AP1G1: variants seen among roughly 807,000 people sequenced by gnomAD.
AP1G1 encodes the protein adaptor related protein complex 1 subunit gamma 1, also known as AP-1 complex subunit gamma-1.
A neutral mutation model predicts 108.3 loss-of-function variants in AP1G1; 7 were observed. The ratio of observed to expected loss-of-function variants is 0.06; its 90% confidence interval spans 0.04 to 0.12. The LOEUF (loss-of-function observed/expected upper bound fraction) is 0.12. Ranked by LOEUF, AP1G1 falls within the 10% of genes least tolerant of loss-of-function variation. The probability of loss-of-function intolerance (pLI) is 1.00; values close to 1 mark genes in which losing one functional copy is unlikely to be tolerated. For missense variants in AP1G1, 756 were observed against 1,010.7 expected, an observed-to-expected ratio of 0.75 and a Z score of 3.42; for synonymous variants, 379 against 353.5, an observed-to-expected ratio of 1.07 and a Z score of -0.81.
chr16:71,744,187 T>C (rs1257314526), intron 19 of AP1G1, among the ~76,000 whole-genome samples: 1 of 152,076 alleles, frequency 6.6e-6, no homozygotes, highest in Non-Finnish European at 1.5e-5. Context: ...GAGGTTGCAG[T>C]GAGTCGAGAT....
chr16:71,734,257 ATACT>A (rs1428010433), intron 22 of AP1G1, among the ~76,000 whole-genome samples: 3 of 152,208 alleles, frequency 2.0e-5, no homozygotes, highest in African/African-American at 7.2e-5. Context: ...TTTTCTATTC[ATACT>A]TAATAACTGT....
chr16:71,784,760 T>C (rs1036812775), intron 2 of AP1G1, among the ~76,000 whole-genome samples: 3 of 151,846 alleles, frequency 2.0e-5, no homozygotes, highest in African/African-American at 7.3e-5. Context: ...AGTTTCACCA[T>C]GTTGGCCAGG....
intron 11 of AP1G1, 89 bp downstream of exon 11, chr16:71,758,719 G>A: frequency 2.7e-6 from 2 of 735,458 alleles, no homozygotes; most frequent in Non-Finnish European, 4.7e-6. Context: ...TGAAAACAAA[G>A]TATCACATGG....
intron 1 of AP1G1, among the ~76,000 whole-genome samples, chr16:71,803,157 T>C (rs550609883): frequency 2.6e-5 from 4 of 151,972 alleles, no homozygotes; most frequent in African/African-American, 7.2e-5. Flanking sequence ...GAGGCTGTAG[T>C]AAGCTGAGAT....
At chr16:71,772,611 TG>T (rs2031619841) in intron 4 of AP1G1, among the ~76,000 whole-genome samples, 1 of 152,204 alleles carries the variant, frequency 6.6e-6, no homozygotes, top group African/African-American at 2.4e-5. Context: ...GCCTTTTCAA[TG>T]CCTCTTTCCC....
intron 1 of AP1G1, among the ~76,000 whole-genome samples, chr16:71,795,851 T>A (rs2032566918): frequency 6.6e-6 from 1 of 152,324 alleles, no homozygotes; most frequent in East Asian, 1.9e-4. Context: ...TTCCCCTATA[T>A]GAAGAAATGT....
chr16:71,753,623 T>C, intron 13 of AP1G1: 2 of 555,834 alleles, frequency 3.6e-6, no homozygotes, highest in Non-Finnish European at 6.5e-6. Context: ...CTAAAACACT[T>C]GGCCAGTTGC....
At chr16:71,808,672 C>T (rs1333808215) in intron 1 of AP1G1, 91 bp downstream of exon 1, 2 of 1,288,224 alleles carry the variant, frequency 1.6e-6, no homozygotes, top group Non-Finnish European at 2.0e-6. Context: ...GACTGGACCC[C>T]TGAAACTGAA....
Position 71,767,159 on chromosome 16 carries a change from C to T in AP1G1, c.643-1575G>A, listed in dbSNP as rs570306514. 1.3e-4 allele frequency among the ~76,000 whole-genome samples: 20 copies of T among 152,122 alleles called. No individual in the cohort carries two copies. In the South Asian group the frequency reaches 3.1e-3, roughly 24 times the overall value. On this transcript the variant is annotated intron_variant, in intron 6 of 22. Coordinates refer to ENST00000299980, the MANE Select transcript of AP1G1 (RefSeq NM_001128.6). The stretch of plus-strand genomic sequence containing the variant: ...TACTAAATTCAGAAATTGTTTTATC[C>T]ACTGCCAAAAAGGCCAGCACATCAC...
chr16:71,756,001 G>A lies in AP1G1; in HGVS notation c.1229+18C>T. The A allele has an allele frequency of 6.2e-7, 1 of 1,603,994 alleles. No individual in the cohort carries two copies. The highest frequency in any genetic ancestry group is 1.1e-5 in the South Asian group (1 of 89,194). ...TTCCAAGCAGACTTTACCAATAAAG[G>A]TAAAAATTAAATCTTACTTTTCTGC... On this transcript the variant is annotated intron_variant, in intron 12 of 22. Transcript: ENST00000299980.
intron 16 of AP1G1, 31 bp from the exon 17 acceptor site, chr16:71,746,723 A>G (rs2030200790): frequency 4.6e-6 from 7 of 1,522,084 alleles, no homozygotes; most frequent in Admixed American, 1.7e-5. Flanking sequence ...GAAATAAAAT[A>G]CCCAAAAGAA....
chr16:71,808,359 G>A, intron 1 of AP1G1: 1 of 845,080 alleles, frequency 1.2e-6, no homozygotes, highest in South Asian at 1.8e-5. Context: ...TGACAGACCT[G>A]ACACGGGTAC....
Position 71,729,010 on chromosome 16 carries a change from T to C in AP1G1, c.*4048A>G, listed in dbSNP as rs955580625. 8.5e-5 allele frequency: 13 copies of C among 152,602 alleles called. No homozygotes were observed. Among genetic ancestry groups the C allele is most frequent in the African/African-American group, 2.9e-4 (12 of 41,458 alleles). The allele number at this position is 152,602 out of a possible 1,614,324, so 9.5% of individuals were successfully genotyped here. ...AAGCAAGGAAGCAAATTTTAAATCATTGGGTATTGACTTTTTATTATTAGT... is the reference window on the plus strand; with the variant it reads ...AAGCAAGGAAGCAAATTTTAAATCACTGGGTATTGACTTTTTATTATTAGT... On this transcript the variant is annotated 3_prime_UTR_variant, in exon 23 of 23. Coordinates refer to ENST00000299980, the MANE Select transcript of AP1G1 (RefSeq NM_001128.6).
At chr16:71,734,248 T>C (rs2045505976) in intron 22 of AP1G1, among the ~76,000 whole-genome samples, 1 of 152,240 alleles carries the variant, frequency 6.6e-6, no homozygotes, top group Non-Finnish European at 1.5e-5. Context: ...TGCCTCTATT[T>C]TTCTATTCAT....
At chr16:71,798,251 C>T (rs1288123702) in intron 1 of AP1G1, among the ~76,000 whole-genome samples, 1 of 151,880 alleles carries the variant, frequency 6.6e-6, no homozygotes, top group African/African-American at 2.4e-5. Flanking sequence ...TAGAAACCAG[C>T]CTGGGCAATA....
At chr16:71,775,567 G>A (rs548179465) in intron 2 of AP1G1, among the ~76,000 whole-genome samples, 4 of 151,854 alleles carry the variant, frequency 2.6e-5, no homozygotes, top group East Asian at 1.9e-4. Context: ...AGCACCTAAC[G>A]TGTACTTAAG....
At chr16:71,748,204 T>C (rs1343952295) in intron 16 of AP1G1, 47 bp downstream of exon 16, 1 of 1,576,792 alleles carries the variant, frequency 6.3e-7, no homozygotes, top group Admixed American at 2.1e-5. Context: ...TTTTTTGTTT[T>C]TTAATTACAA....
At chr16:71,787,723 A>AGGTG (rs2032258259) in intron 2 of AP1G1, among the ~76,000 whole-genome samples, 1 of 152,234 alleles carries the variant, frequency 6.6e-6, no homozygotes, top group Admixed American at 6.5e-5. Context: ...TATGACACAC[A>AGGTG]GTATATGGAT....
chr16:71,748,408 G>A, intron 15 of AP1G1, 30 bp from the exon 16 acceptor site: 3 of 1,605,936 alleles, frequency 1.9e-6, no homozygotes, highest in South Asian at 2.2e-5. Flanking sequence ...AGAAGACGAT[G>A]AAGAATGAGT....
Sources: gnomAD v4.1 joint callset for allele counts (sites outside exome capture counted in the v4.1 genomes callset) on GRCh38, gnomAD v4.1.1 for gene constraint, MANE v1.5 for transcripts, NCBI Gene and HGNC (gene_info 2026-07-23, HGNC 2026-07-21) for gene names.